ZNF391: variants seen among roughly 807,000 people sequenced by gnomAD.
ZNF391 encodes the protein zinc finger protein 391.
For missense variants in ZNF391, 375 were observed against 425.5 expected (o/e 0.88, Z 1.04); for synonymous variants, 126 against 142.1 (o/e 0.89, Z 0.80).
At position 27,376,896 on chromosome 6, in the gene ZNF391, A is replaced by T. The variant is rs530932878; in HGVS notation, n.523+1759A>T. On this transcript the variant is annotated intron_variant and non_coding_transcript_variant, in intron 1 of 2. Coordinates refer to the ZNF391 transcript ENST00000477999. This position sits in a 1 kb window ranked among gnomAD's most constrained non-coding sequence, Gnocchi z 4.7. Reference sequence around the variant, plus strand: ...ATAAAATACGTACACATTCTTGTGAAGTTTGTAAAACTAGGTATTTGGGTG... The same window carrying T: ...ATAAAATACGTACACATTCTTGTGATGTTTGTAAAACTAGGTATTTGGGTG... Among the ~76,000 whole-genome samples the T allele has an allele frequency of 4.7e-4, 71 of 152,296 alleles. No individual in the cohort carries two copies. The highest frequency in any genetic ancestry group is 3.9e-3 in the South Asian group (19 of 4,828).
At chr6:27,375,014 G>A (rs540822753) in exon 1 of ZNF391, 1 of 152,478 alleles carries the variant, frequency 6.6e-6, no homozygotes, top group East Asian at 1.9e-4. Flanking sequence ...GTATAAAAGA[G>A]AGCCTCCACT....
chr6:27,389,178 C>A, intron 1 of ZNF391, 103 bp downstream of exon 1: 1 of 456,658 alleles, frequency 2.2e-6, no homozygotes, highest in South Asian at 1.5e-5. Flanking sequence ...TCAGGAGGCA[C>A]CTCCACGGTT....
At position 27,402,007 on chromosome 6, in the gene ZNF391, A is replaced by C. The variant is rs1761982220; in HGVS notation, c.*560A>C. The C allele has an allele frequency of 6.6e-6, 1 of 152,174 alleles. No individual in the cohort carries two copies. The highest frequency in any genetic ancestry group is 2.4e-5 in the African/African-American group (1 of 41,426). The allele number at this position is 152,174 out of a possible 1,614,324, so 9.4% of individuals were successfully genotyped here. ...GTCTGGGGATAATAGTGTTGAGGCA[A>C]ATTCATTCTCTTGACTTGCAAAAAC... On this transcript the variant is annotated 3_prime_UTR_variant, in exon 3 of 3. Coordinates refer to ENST00000244576, the MANE Select transcript of ZNF391 (RefSeq NM_001076781.3).
intron 1 of ZNF391, among the ~76,000 whole-genome samples, chr6:27,398,714 C>T (rs544501834): frequency 6.6e-5 from 10 of 152,128 alleles, no homozygotes; most frequent in South Asian, 2.1e-4. Context: ...AAAAACTAGC[C>T]GGGGTGTGGT....
At chr6:27,389,630 C>A (rs899583986) in intron 1 of ZNF391, among the ~76,000 whole-genome samples, 1 of 152,142 alleles carries the variant, frequency 6.6e-6, no homozygotes, top group Non-Finnish European at 1.5e-5. Flanking sequence ...ACGGTGAAAC[C>A]CGTTCTCTAC....
At chr6:27,385,434 G>A (rs1050290868), upstream of ZNF391, among the ~76,000 whole-genome samples, 1 of 152,084 alleles carries the variant, frequency 6.6e-6, no homozygotes, top group East Asian at 1.9e-4. Context: ...TAGATTAAAA[G>A]TAAATCAATA....
At chr6:27,393,287 G>A (rs1014633568) in intron 1 of ZNF391, among the ~76,000 whole-genome samples, 3 of 152,210 alleles carry the variant, frequency 2.0e-5, no homozygotes, top group Non-Finnish European at 2.9e-5. Flanking sequence ...GCTTGGTGCT[G>A]TTCTTGTGAT....
At chr6:27,386,166 T>C (rs1224304800), upstream of ZNF391, among the ~76,000 whole-genome samples, 1 of 152,134 alleles carries the variant, frequency 6.6e-6, no homozygotes, top group South Asian at 2.1e-4. Flanking sequence ...AATATATACA[T>C]ATTAGAAATA....
At chr6:27,389,468 C>T (rs1318108614) in intron 1 of ZNF391, 2 of 445,228 alleles carry the variant, frequency 4.5e-6, no homozygotes, top group East Asian at 7.0e-5. Flanking sequence ...AAGTAATGTA[C>T]TATTATTATG....
At chr6:27,400,264 A>T in intron 2 of ZNF391, 29 bp from the exon 3 acceptor site, 1 of 923,966 alleles carries the variant, frequency 1.1e-6, no homozygotes, top group Non-Finnish European at 1.6e-6. Flanking sequence ...GTAGATACAG[A>T]TGACATTTAC....
intron 1 of ZNF391, among the ~76,000 whole-genome samples, chr6:27,391,971 TA>T (rs1444275677): frequency 6.6e-6 from 1 of 152,218 alleles, no homozygotes; most frequent in African/African-American, 2.4e-5. Context: ...TCTCTCCCCT[TA>T]GTCTAAGCAG....
chr6:27,390,009 C>A (rs921099543), intron 1 of ZNF391, among the ~76,000 whole-genome samples: 1 of 152,124 alleles, frequency 6.6e-6, no homozygotes, highest in African/African-American at 2.4e-5. Flanking sequence ...CTGAAGATCA[C>A]CTTTGGTAGG....
rs1256826931 is a variant in ZNF391 at position 27,376,019 on chromosome 6, T to C, written n.523+882T>C. Among the ~76,000 whole-genome samples, 1 of 152,180 alleles carries C rather than the reference T, an allele frequency of 6.6e-6. No homozygotes were observed. The highest frequency in any genetic ancestry group is 1.5e-5 in the Non-Finnish European group (1 of 68,026). ...AGGATGAAGTAAAGTTACAAAGTCATTTATGGTGTAAGCCCTATGGAGAAG... is the reference window on the plus strand; with the variant it reads ...AGGATGAAGTAAAGTTACAAAGTCACTTATGGTGTAAGCCCTATGGAGAAG... On this transcript the variant is annotated intron_variant and non_coding_transcript_variant, in intron 1 of 2. Transcript: ENST00000477999. The surrounding 1 kb of genome is among the most constrained non-coding windows in gnomAD (Gnocchi z 4.7).
chr6:27,385,538 G>T (rs1299358107), upstream of ZNF391, among the ~76,000 whole-genome samples: 1 of 152,026 alleles, frequency 6.6e-6, no homozygotes, highest in East Asian at 1.9e-4. Context: ...AGCTATCAGG[G>T]ATAAAAAAGG....
At chr6:27,384,482 A>G (rs1306462951), upstream of ZNF391, among the ~76,000 whole-genome samples, 8 of 24,654 alleles carry the variant, frequency 3.2e-4, no homozygotes, top group African/African-American at 6.9e-4. Context: ...AAAAAAAAAA[A>G]AGAGAGAGAG....
At position 27,400,411 on chromosome 6, in the gene ZNF391, A is replaced by G. The variant is rs1038271784; in HGVS notation, c.41A>G (p.Asn14Ser). The change falls in exon 3 of 3, where the codon AAT (asparagine) becomes AGT (serine). Residue 14 changes from asparagine (N) to serine (S), a missense_variant. Physicochemically the swap from Asn to Ser is conservative, Grantham distance 46. Coordinates refer to ENST00000244576, the MANE Select transcript of ZNF391 (RefSeq NM_001076781.3). Reference protein sequence around the residue: ...LRGNTAQGPTNEEDYKNEGQL... With the variant: ...LRGNTAQGPTSEEDYKNEGQL... ...GGGAATACTGCTCAGGGTCCTACAA[A>G]TGAAGAAGACTATAAAAACGAAGGC... 5.0e-6 allele frequency: 8 copies of G among 1,613,250 alleles called. No individual in the cohort carries two copies. Among genetic ancestry groups the G allele is most frequent in the Admixed American group, 1.7e-5 (1 of 59,766 alleles).
chr6:27,390,050 G>C (rs545919004), intron 1 of ZNF391, among the ~76,000 whole-genome samples: 2 of 152,316 alleles, frequency 1.3e-5, no homozygotes, highest in African/African-American at 4.8e-5. Context: ...TGATTAAACT[G>C]AGGCTGCCCA....
chr6:27,379,968 C>T (rs1349376129), intron 1 of ZNF391, among the ~76,000 whole-genome samples: 1 of 152,192 alleles, frequency 6.6e-6, no homozygotes, highest in Non-Finnish European at 1.5e-5. Context: ...AGTTCCCAAT[C>T]CAGAGATATA....
At chr6:27,387,834 AC>A (rs1414621478), upstream of ZNF391, among the ~76,000 whole-genome samples, 1 of 152,204 alleles carries the variant, frequency 6.6e-6, no homozygotes, top group Non-Finnish European at 1.5e-5. Context: ...TAAAAACTTT[AC>A]TGTATGACTT....
Sources: allele counts gnomAD v4.1 joint callset (sites outside exome capture counted in the v4.1 genomes callset), GRCh38; gene constraint gnomAD v4.1.1; non-coding constraint Gnocchi (gnomAD v3.1); transcripts MANE v1.5; gene names NCBI Gene and HGNC (gene_info 2026-07-23, HGNC 2026-07-21).